The following TOPAZ1 variants were observed in gnomAD, a reference collection of about 807,000 sequenced individuals.
TOPAZ1 encodes testis and ovary specific TOPAZ 1.
Under a neutral mutation model 172.2 loss-of-function variants are expected in TOPAZ1, and 66 were observed. The ratio of observed to expected loss-of-function variants is 0.38; its 90% CI spans 0.31 to 0.47. The LOEUF is 0.47. TOPAZ1 is among the 20% of genes least tolerant of loss of function. The pLI is 0.99. For synonymous variants in TOPAZ1, 681 were observed against 683.9 expected (o/e 1.00, Z 0.07); for missense variants, 1,822 against 1,972.4 (o/e 0.92, Z 1.44).
intron 8 of TOPAZ1, among the ~76,000 whole-genome samples, chr3:44,271,265 A>G (rs1575714800): frequency 6.6e-6 from 1 of 152,302 alleles, no homozygotes; most frequent in Non-Finnish European, 1.5e-5. Flanking sequence ...TTACACTCTT[A>G]CCAGCAATGT....
rs544544745 is a variant in TOPAZ1 at position 44,291,603 on chromosome 3, A to G, written c.3797+717A>G. On this transcript the variant is annotated intron_variant, in intron 12 of 19. Transcript: ENST00000309765. ...GCGAGACTCCGTCTCAAAAATAAATAAATAAATAAATAAAAACTGAAAAAA... is the reference window on the plus strand; with the variant it reads ...GCGAGACTCCGTCTCAAAAATAAATGAATAAATAAATAAAAACTGAAAAAA... Among the ~76,000 whole-genome samples the G allele has an allele frequency of 8.2e-4, 125 of 152,060 alleles. 1 individual carries two copies. In the Middle Eastern group the frequency reaches 0.014, roughly 17 times the overall value.
At chr3:44,256,900 T>C (rs1359636705) in intron 4 of TOPAZ1, among the ~76,000 whole-genome samples, 2 of 152,206 alleles carry the variant, frequency 1.3e-5, no homozygotes, top group African/African-American at 4.8e-5. Flanking sequence ...ATGCCTGGCC[T>C]TCTTTTCTGC....
chr3:44,252,616 A>G (rs1373473032), intron 2 of TOPAZ1, among the ~76,000 whole-genome samples: 1 of 152,216 alleles, frequency 6.6e-6, no homozygotes, highest in Non-Finnish European at 1.5e-5. Context: ...ACAATGCACC[A>G]TGTACTTTAG....
At chr3:44,254,627 C>CAAAAA (rs10579109) in intron 2 of TOPAZ1, among the ~76,000 whole-genome samples, 1 of 83,206 alleles carries the variant, frequency 1.2e-5, no homozygotes, top group Non-Finnish European at 2.3e-5. Context: ...AACTCCGTCT[C>CAAAAA]AAAAAAAAAA....
At chr3:44,298,575 AG>A (rs948117073) in intron 12 of TOPAZ1, among the ~76,000 whole-genome samples, 1 of 152,030 alleles carries the variant, frequency 6.6e-6, no homozygotes, top group African/African-American at 2.4e-5. Flanking sequence ...AGAGAGACAT[AG>A]GTCAAAGGAA....
chr3:44,265,506 A>G (rs1275845431), intron 5 of TOPAZ1, among the ~76,000 whole-genome samples: 2 of 152,204 alleles, frequency 1.3e-5, no homozygotes, highest in African/African-American at 4.8e-5. Context: ...TAGTGAGCTG[A>G]GATCGCACCA....
At chr3:44,290,469 A>G (rs1482362690) in intron 11 of TOPAZ1, among the ~76,000 whole-genome samples, 1 of 152,214 alleles carries the variant, frequency 6.6e-6, no homozygotes, top group African/African-American at 2.4e-5. Flanking sequence ...GGGATGAGGT[A>G]TGAATACCAG....
At chr3:44,267,256 A>G in intron 6 of TOPAZ1, 120 bp downstream of exon 6, 1 of 795,794 alleles carries the variant, frequency 1.3e-6, no homozygotes, top group Non-Finnish European at 1.8e-6. Flanking sequence ...AGAATATGTT[A>G]AAATTAGAAG....
intron 16 of TOPAZ1, among the ~76,000 whole-genome samples, chr3:44,312,684 C>T (rs1700409215): frequency 6.6e-6 from 1 of 152,026 alleles, no homozygotes; most frequent in Non-Finnish European, 1.5e-5. Flanking sequence ...ATGCCATCTC[C>T]CAAAACCAAC....
At chr3:44,263,686 C>T (rs561724116) in intron 5 of TOPAZ1, among the ~76,000 whole-genome samples, 12 of 152,118 alleles carry the variant, frequency 7.9e-5, no homozygotes, top group East Asian at 3.9e-4. Flanking sequence ...TCTCCTCTGG[C>T]GCAGAAAACA....
Position 44,287,765 on chromosome 3 carries a change from C to G in TOPAZ1, c.3607C>G (p.Leu1203Val), listed in dbSNP as rs545332173. 7 of 1,490,746 alleles carry G rather than the reference C, an allele frequency of 4.7e-6. No individual in the cohort carries two copies. In the South Asian group the frequency reaches 6.5e-5, roughly 14 times the overall value. The allele number at this position is 1,490,746 out of a possible 1,614,324, so 92.3% of individuals were successfully genotyped here. ...TATCCAGCCTTCTCTGAAAATATTA[C>G]TAAACATATTTGAGTATGTGGCAAC... is the stretch of plus-strand genomic sequence containing the variant. The part of the protein sequence containing the change: ...VKMLPSLKIL[L>V]NIFEYVATMK... Residue 1203 changes from leucine to valine, a missense_variant, in exon 11 of 20, where the codon CTA becomes GTA. Coordinates refer to ENST00000309765, the MANE Select transcript of TOPAZ1 (RefSeq NM_001145030.2).
At chr3:44,282,544 A>G (rs1700034732) in intron 9 of TOPAZ1, among the ~76,000 whole-genome samples, 1 of 152,168 alleles carries the variant, frequency 6.6e-6, no homozygotes, top group African/African-American at 2.4e-5. Context: ...TTCGGCCTTC[A>G]GGGCTAGGTC....
intron 8 of TOPAZ1, among the ~76,000 whole-genome samples, chr3:44,276,803 T>G (rs892987552): frequency 4.0e-5 from 6 of 151,550 alleles, no homozygotes; most frequent in South Asian, 2.1e-4. Flanking sequence ...GTTTTTTTGG[T>G]TTTTTTTAGA....
intron 12 of TOPAZ1, among the ~76,000 whole-genome samples, chr3:44,292,659 A>G (rs1293234230): frequency 6.6e-6 from 1 of 152,154 alleles, no homozygotes; most frequent in Non-Finnish European, 1.5e-5. Context: ...CACTTTTTTT[A>G]TTGATGTGTA....
At chr3:44,335,791 T>C (rs1700717895), downstream of TOPAZ1, among the ~76,000 whole-genome samples, 1 of 152,204 alleles carries the variant, frequency 6.6e-6, no homozygotes, top group Non-Finnish European at 1.5e-5. Flanking sequence ...TAGAGCATGC[T>C]TCATCTCATT....
rs1699704876 is a variant in TOPAZ1, at chr3:44,256,449, A to G, written c.2955+171A>G. Among the ~76,000 whole-genome samples the G allele has an allele frequency of 2.6e-5, 4 of 152,346 alleles. No homozygotes were observed. The South Asian group carries it at 6.2e-4, about 24-fold the overall frequency. ...CCTTGATACTTGGTGTAAGCATAGTATAAAAAAGATCTTCCTTGCCTGGGA... is the reference window on the plus strand; with the variant it reads ...CCTTGATACTTGGTGTAAGCATAGTGTAAAAAAGATCTTCCTTGCCTGGGA... On this transcript the variant is annotated intron_variant, in intron 4 of 19. Transcript: ENST00000309765.
chr3:44,327,249 CAT>C (rs1011948627), intron 18 of TOPAZ1, among the ~76,000 whole-genome samples: 1 of 152,172 alleles, frequency 6.6e-6, no homozygotes, highest in Admixed American at 6.5e-5. Context: ...AGCCATTACC[CAT>C]ATTAGAAAGA....
chr3:44,296,449 A>C (rs1316044141), intron 12 of TOPAZ1, among the ~76,000 whole-genome samples: 1 of 151,796 alleles, frequency 6.6e-6, no homozygotes, highest in Admixed American at 6.6e-5. Flanking sequence ...TGAAGACATG[A>C]ATTATCGATA....
At chr3:44,258,580 C>CT (rs969883346) in intron 4 of TOPAZ1, among the ~76,000 whole-genome samples, 64 of 146,498 alleles carry the variant, frequency 4.4e-4, no homozygotes, top group Non-Finnish European at 6.3e-4. Context: ...AGATTGGTTT[C>CT]TTTTTTTTTT....
Sources: gnomAD v4.1 joint callset for allele counts (sites outside exome capture counted in the v4.1 genomes callset) on GRCh38, gnomAD v4.1.1 for gene constraint, MANE v1.5 for transcripts, NCBI Gene and HGNC (gene_info 2026-07-23, HGNC 2026-07-21) for gene names.